Variants in KL observed in about 807,000 individuals in gnomAD.
The protein encoded by KL is alpha-klotho.
Under a neutral mutation model 84.2 loss-of-function variants are expected in KL, and 62 were observed. The ratio of observed to expected loss-of-function variants is 0.74; its 90% CI spans 0.60 to 0.91. The LOEUF (loss-of-function observed/expected upper bound fraction) is 0.91, where lower values mean the gene tolerates loss of function less well. Ranked by LOEUF, KL falls within the 40% of genes least tolerant of loss-of-function variation. KL has a pLI of 0.00. For missense variants in KL, 1,261 were observed against 1,305.7 expected, an observed-to-expected ratio of 0.97 and a Z score of 0.53; for synonymous variants, 528 against 528.0, an observed-to-expected ratio of 1.00 and a Z score of 0.00.
intron 1 of KL, among the ~76,000 whole-genome samples, chr13:33,052,734 T>C (rs1253654660): frequency 6.6e-6 from 1 of 152,170 alleles, no homozygotes; most frequent in Non-Finnish European, 1.5e-5. Flanking sequence ...GGGAGTGGAA[T>C]GAAAATTGGC....
chr13:33,058,409 C>T (rs1409338327), intron 3 of KL, among the ~76,000 whole-genome samples: 3 of 150,320 alleles, frequency 2.0e-5, no homozygotes, highest in African/African-American at 7.4e-5. Flanking sequence ...GGCGTGATCT[C>T]GGCTCACTGC....
intron 1 of KL, among the ~76,000 whole-genome samples, chr13:33,047,669 A>AT (rs1871588348): frequency 6.6e-6 from 1 of 152,138 alleles, no homozygotes; most frequent in African/African-American, 2.4e-5. Context: ...TACTTGGAAC[A>AT]TTTAGTCCAT....
chr13:33,048,303 A>T (rs1296774962), intron 1 of KL, among the ~76,000 whole-genome samples: 1 of 152,140 alleles, frequency 6.6e-6, no homozygotes, highest in Non-Finnish European at 1.5e-5. Context: ...GATTTACTTG[A>T]TGTGGCTTTA....
chr13:33,033,472 G>A (rs1871045651), intron 1 of KL, among the ~76,000 whole-genome samples: 1 of 152,116 alleles, frequency 6.6e-6, no homozygotes, highest in Non-Finnish European at 1.5e-5. Flanking sequence ...CTCCTGCCCC[G>A]CTGCCCCACG....
At chr13:33,043,380 C>T (rs986920341) in intron 1 of KL, among the ~76,000 whole-genome samples, 4 of 152,000 alleles carry the variant, frequency 2.6e-5, no homozygotes, top group Non-Finnish European at 5.9e-5. Flanking sequence ...CCACCACACC[C>T]AGCTAATTTT....
chr13:33,016,876 C>A lies in KL; in HGVS notation c.436C>A (p.His146Asn), dbSNP rs764722887. ...TEALRELGVT[H>N]YRFSISWARV... ...GGCGCTGCGCGAGCTCGGGGTCACT[C>A]ACTACCGCTTCTCCATCTCGTGGGC... Residue 146 changes from histidine (H) to asparagine (N), a missense_variant, in exon 1 of 5, where the codon CAC becomes AAC. Physicochemically the swap from His to Asn is moderately conservative, Grantham distance 68. Transcript: ENST00000380099. 6 of 1,612,542 alleles carry A rather than the reference C, an allele frequency of 3.7e-6. No homozygotes were observed. In the South Asian group the frequency reaches 4.4e-5, roughly 12 times the overall value.
intron 1 of KL, among the ~76,000 whole-genome samples, chr13:33,047,283 G>A (rs544070912): frequency 6.6e-6 from 1 of 151,494 alleles, no homozygotes; most frequent in East Asian, 1.9e-4. Context: ...TCTTTTACAT[G>A]ATCACTTTAT....
At chr13:33,019,159 T>C (rs2138186966) in intron 1 of KL, among the ~76,000 whole-genome samples, 1 of 152,344 alleles carries the variant, frequency 6.6e-6, no homozygotes, top group Middle Eastern at 3.4e-3. Context: ...TAATTTTGCT[T>C]TCACATTTCT....
At position 33,064,416 on chromosome 13, in the gene KL, G is replaced by A; in HGVS notation, c.*230G>A. Reference sequence around the variant, plus strand: ...TCTCTTTTTGGGTGATTAAAAAACTGACAGGCACTATAATTTCTGTAACAC... The same window carrying A: ...TCTCTTTTTGGGTGATTAAAAAACTAACAGGCACTATAATTTCTGTAACAC... On this transcript the variant is annotated 3_prime_UTR_variant, in exon 5 of 5. Transcript: ENST00000380099. 2.4e-6 allele frequency: 1 copy of A among 424,104 alleles called. No homozygotes were observed. The highest frequency in any genetic ancestry group is 4.2e-6 in the Non-Finnish European group (1 of 236,670). 26.3% of individuals were successfully genotyped at this position (424,104 alleles called of 1,614,324 possible). A position where few individuals can be genotyped will look rare whatever the true frequency, so the allele number is the denominator to read the frequency against.
Position 33,017,077 on chromosome 13 carries a change from G to A in KL, c.637G>A (p.Ala213Thr). The change falls in exon 1 of 5, where the codon GCC becomes ACC. Residue 213 changes from alanine to threonine, a missense_variant. Coordinates refer to ENST00000380099, the MANE Select transcript of KL (RefSeq NM_004795.4). ...CGGCGGCTGGGCCAACCGCGCCCTG[G>A]CCGACCACTTCAGGGATTACGCGGA... ...AYGGWANRAL[A>T]DHFRDYAELC... The A allele has an allele frequency of 1.2e-6, 2 of 1,603,826 alleles. No individual in the cohort carries two copies. Among genetic ancestry groups the A allele is most frequent in the South Asian group, 2.2e-5 (2 of 90,808 alleles).
At chr13:33,056,326 G>A (rs1393177359) in intron 3 of KL, among the ~76,000 whole-genome samples, 2 of 152,138 alleles carry the variant, frequency 1.3e-5, no homozygotes, top group Non-Finnish European at 2.9e-5. Context: ...CAGCTTGAAA[G>A]GAAACACTTG....
At chr13:33,040,785 G>C (rs531918873) in intron 1 of KL, among the ~76,000 whole-genome samples, 6 of 152,220 alleles carry the variant, frequency 3.9e-5, no homozygotes, top group Non-Finnish European at 8.8e-5. Context: ...TGAGTACCAG[G>C]CATCTTCATT....
intron 1 of KL, among the ~76,000 whole-genome samples, chr13:33,034,678 G>A (rs140740268): frequency 5.3e-4 from 81 of 152,058 alleles, no homozygotes; most frequent in African/African-American, 1.9e-3. Context: ...GTTGGTTGTC[G>A]CTCCTCCTGC....
Position 33,063,901 on chromosome 13 carries a change from C to A in KL, c.2754C>A (p.Asn918Lys). ...GCGGATACTTTGCTTATTCGTTTAACGACCGCACAGCTCCGAGGTTTGGCC... is the reference window on the plus strand; with the variant it reads ...GCGGATACTTTGCTTATTCGTTTAAAGACCGCACAGCTCCGAGGTTTGGCC... ...NLCGYFAYSF[N>K]DRTAPRFGLY... Residue 918 changes from asparagine to lysine, a missense_variant, in exon 5 of 5, where the codon AAC becomes AAA. Physicochemically the swap from Asn to Lys is moderately conservative, Grantham distance 94. Transcript: ENST00000380099. 6.2e-7 allele frequency: 1 copy of A among 1,614,152 alleles called. No homozygotes were observed. Among genetic ancestry groups the A allele is most frequent in the Non-Finnish European group, 8.5e-7 (1 of 1,180,044 alleles).
chr13:33,049,793 C>T, intron 1 of KL, among the ~76,000 whole-genome samples: 1 of 152,110 alleles, frequency 6.6e-6, no homozygotes, highest in East Asian at 1.9e-4. Flanking sequence ...CATCCAACTG[C>T]TATCAGCCAT....
chr13:33,042,353 C>T (rs1201723149), intron 1 of KL, among the ~76,000 whole-genome samples: 3 of 152,100 alleles, frequency 2.0e-5, no homozygotes, highest in Non-Finnish European at 2.9e-5. Flanking sequence ...AGAATATTCT[C>T]ATTACCCCAG....
At chr13:33,017,626 AAC>A (rs1486546310) in intron 1 of KL, among the ~76,000 whole-genome samples, 1 of 152,212 alleles carries the variant, frequency 6.6e-6, no homozygotes, top group Non-Finnish European at 1.5e-5. Context: ...GGATGAAAGA[AAC>A]ACGTTTGTTC....
chr13:33,016,433 C>G lies in KL; in HGVS notation c.-8C>G. The G allele has an allele frequency of 1.0e-6, 1 of 961,364 alleles. No homozygotes were observed. The highest frequency in any genetic ancestry group is 1.2e-6 in the Non-Finnish European group (1 of 812,476). The allele number at this position is 961,364 out of a possible 1,614,324, so 59.6% of individuals were successfully genotyped here. A position where few individuals can be genotyped will look rare whatever the true frequency, so the allele number is the denominator to read the frequency against. ...GCGCGGGGCCCCGGAGCCTGGCTCC[C>G]GCGCAGCATGCCCGCCAGCGCCCCG... On this transcript the variant is annotated 5_prime_UTR_variant, in exon 1 of 5. Transcript: ENST00000380099.
Position 33,060,722 on chromosome 13 carries a change from T to C in KL, c.1643T>C (p.Leu548Pro). ...LSQFTDLNVY[L>P]WDVHHSKRLI... ...CAGTTTACCGACCTGAATGTTTACC[T>C]GTGGGATGTCCACCACAGTAAAAGG... Residue 548 changes from leucine (L) to proline (P), a missense_variant, in exon 4 of 5, where the codon CTG becomes CCG. Transcript: ENST00000380099. The C allele has an allele frequency of 6.2e-7, 1 of 1,614,238 alleles. No homozygotes were observed. The highest frequency in any genetic ancestry group is 8.5e-7 in the Non-Finnish European group (1 of 1,180,034).
Sources: gnomAD v4.1 joint callset for allele counts (sites outside exome capture counted in the v4.1 genomes callset) on GRCh38, gnomAD v4.1.1 for gene constraint, MANE v1.5 for transcripts, NCBI Gene and HGNC (gene_info 2026-07-23, HGNC 2026-07-21) for gene names.